Variants in DHX8 observed in about 807,000 individuals in gnomAD.
DHX8 encodes ATP-dependent RNA helicase DHX8.
DHX8 carries 67 observed loss-of-function variants against 140.7 expected under a neutral mutation model. That is an observed-to-expected ratio of 0.48 (90% confidence interval 0.39 to 0.58). DHX8 has a LOEUF of 0.58. DHX8 is among the 20% of genes least tolerant of loss of function. DHX8 has a pLI of 0.00. For missense variants in DHX8, 887 were observed against 1,550.7 expected (o/e 0.57, Z 7.19); for synonymous variants, 533 against 553.2 (o/e 0.96, Z 0.51).
chr17:43,511,459 T>TTTTTTTTTTTTTTTA (rs1969828835), intron 16 of DHX8, among the ~76,000 whole-genome samples: 3 of 111,118 alleles, frequency 2.7e-5, no homozygotes, highest in African/African-American at 1.0e-4. Context: ...TCCCAGCATT[T>TTTTTTTTTTTTTTTA]TTTTTTTTTT....
intron 9 of DHX8, among the ~76,000 whole-genome samples, chr17:43,497,629 C>A (rs751245326): frequency 1.3e-5 from 2 of 151,928 alleles, no homozygotes; most frequent in South Asian, 4.2e-4. Context: ...GTGATGTGTG[C>A]CTGTACTCCC....
chr17:43,485,854 A>G (rs993829996), intron 1 of DHX8, among the ~76,000 whole-genome samples: 1 of 152,230 alleles, frequency 6.6e-6, no homozygotes, highest in Non-Finnish European at 1.5e-5. Context: ...AAAACCCACA[A>G]ATATGCTTTT....
rs1205094692 is a variant in DHX8, at chr17:43,484,110, C to T, written c.73C>T (p.Leu25Phe). The T allele has an allele frequency of 6.2e-7, 1 of 1,614,172 alleles. No individual in the cohort carries two copies. The highest frequency in any genetic ancestry group is 8.5e-7 in the Non-Finnish European group (1 of 1,180,016). ...AGGCCCCGCGGAAGAACTTGCCAAA[C>T]TCGAGTACCTGTCTTTGGTGTCAAA... The part of the protein sequence containing the change: ...EPGPAEELAK[L>F]EYLSLVSKVC... Residue 25 changes from leucine (L) to phenylalanine (F), a missense_variant, in exon 1 of 23, where the codon CTC (leucine) becomes TTC (phenylalanine). Leu to Phe is a conservative substitution (Grantham distance 22). Coordinates refer to ENST00000262415, the MANE Select transcript of DHX8 (RefSeq NM_004941.3).
chr17:43,526,637 G>C (rs150173376), downstream of DHX8: 5 of 1,532,396 alleles, frequency 3.3e-6, no homozygotes, highest in Non-Finnish European at 4.4e-6. Context: ...ATCTCAGCTT[G>C]TGGAGACCTT....
intron 17 of DHX8, among the ~76,000 whole-genome samples, chr17:43,514,824 G>T (rs558547669): frequency 6.6e-6 from 1 of 152,316 alleles, no homozygotes; most frequent in Admixed American, 6.5e-5. Context: ...TAGAATGTTG[G>T]TGGCATTAAC....
chr17:43,543,337 G>C (rs1290937277), intron 3 of DHX8, among the ~76,000 whole-genome samples: 1 of 147,930 alleles, frequency 6.8e-6, no homozygotes, highest in Non-Finnish European at 1.5e-5. Context: ...GACACAGACA[G>C]ACATTTGTAC....
At position 43,493,560 on chromosome 17, in the gene DHX8, A is replaced by G; in HGVS notation, c.979A>G (p.Thr327Ala). Residue 327 changes from threonine to alanine, a missense_variant, in exon 7 of 23, where the codon ACT (threonine) becomes GCT (alanine). Coordinates refer to ENST00000262415, the MANE Select transcript of DHX8 (RefSeq NM_004941.3). ...GGTCAAAGTCAAAGTGCTGTCCTTCACTGGGACCAAGACCAGCCTGAGCAT... is the reference window on the plus strand; with the variant it reads ...GGTCAAAGTCAAAGTGCTGTCCTTCGCTGGGACCAAGACCAGCCTGAGCAT... ...QRVKVKVLSF[T>A]GTKTSLSMKD... The G allele has an allele frequency of 6.2e-7, 1 of 1,614,168 alleles. No individual in the cohort carries two copies. The highest frequency in any genetic ancestry group is 8.5e-7 in the Non-Finnish European group (1 of 1,180,022).
intron 9 of DHX8, among the ~76,000 whole-genome samples, chr17:43,496,664 C>T (rs1456691890): frequency 1.3e-5 from 2 of 152,020 alleles, no homozygotes; most frequent in African/African-American, 4.8e-5. Context: ...CCTATCGTCC[C>T]AGCTACTCGG....
intron 10 of DHX8, 132 bp downstream of exon 10, chr17:43,499,091 T>G: frequency 1.7e-5 from 11 of 630,548 alleles, no homozygotes; most frequent in East Asian, 3.5e-5. Flanking sequence ...AGCCAGGGTC[T>G]ATAATAGTTT....
chr17:43,494,440 C>T (rs777176811), intron 8 of DHX8, among the ~76,000 whole-genome samples: 2 of 151,968 alleles, frequency 1.3e-5, no homozygotes, highest in African/African-American at 4.8e-5. Flanking sequence ...AGGTGAAAGT[C>T]GTTGGGCGTG....
chr17:43,499,721 C>T (rs927963205), intron 10 of DHX8, among the ~76,000 whole-genome samples: 2 of 152,202 alleles, frequency 1.3e-5, no homozygotes, highest in Admixed American at 6.5e-5. Flanking sequence ...TCATTCCTAT[C>T]TCTTTTGGGG....
chr17:43,529,417 G>T, downstream of DHX8: 1 of 1,488,512 alleles, frequency 6.7e-7, no homozygotes, highest in Non-Finnish European at 9.1e-7. Context: ...GAATCATGAT[G>T]GAGGCACGTG....
At chr17:43,484,783 A>G (rs1031212373) in intron 1 of DHX8, among the ~76,000 whole-genome samples, 4 of 152,074 alleles carry the variant, frequency 2.6e-5, no homozygotes, top group African/African-American at 7.2e-5. Context: ...CTGGGACTAC[A>G]GGCGGGCGCC....
chr17:43,513,788 A>G (rs1038653261), intron 17 of DHX8, among the ~76,000 whole-genome samples: 1 of 138,200 alleles, frequency 7.2e-6, no homozygotes, highest in African/African-American at 2.8e-5. Context: ...ATCTCGGCTC[A>G]CTGCAACCTC....
intron 18 of DHX8, chr17:43,518,042 A>G (rs1970198445): frequency 6.6e-6 from 1 of 152,342 alleles, no homozygotes; most frequent in African/African-American, 2.4e-5. Context: ...CTTGGACTTC[A>G]GCTCCAAACT....
downstream of DHX8, chr17:43,526,300 A>G (rs1262479680): frequency 1.9e-5 from 26 of 1,395,782 alleles, no homozygotes; most frequent in East Asian, 4.5e-4. Context: ...ATTAAAGTAT[A>G]TTGTTCACCC....
downstream of DHX8, chr17:43,526,052 A>G (rs1490189267): frequency 3.7e-5 from 36 of 985,262 alleles, no homozygotes; most frequent in African/African-American, 5.2e-5. Context: ...CTTCTCTGCT[A>G]TGACAACATA....
rs1970301186 is a variant in DHX8, at chr17:43,520,070, A to G, written c.2800-60A>G. On this transcript the variant is annotated intron_variant, in intron 18 of 22. Transcript: ENST00000262415. ...AAATAAAGTAACAAGTAGCTTCCCC[A>G]CATGCTGACACTGGCTAGACTGACC... is the stretch of plus-strand genomic sequence containing the variant. 3.8e-6 allele frequency: 6 copies of G among 1,591,048 alleles called. No homozygotes were observed. The African/African-American group carries it at 4.0e-5, about 11-fold the overall frequency.
intron 1 of DHX8, among the ~76,000 whole-genome samples, chr17:43,485,058 C>G (rs1339368658): frequency 1.3e-5 from 2 of 152,128 alleles, no homozygotes; most frequent in African/African-American, 4.8e-5. Flanking sequence ...CAGATGGAGC[C>G]TTTATGAAGG....
Sources: gnomAD v4.1 joint callset for allele counts (sites outside exome capture counted in the v4.1 genomes callset) on GRCh38, gnomAD v4.1.1 for gene constraint, MANE v1.5 for transcripts, NCBI Gene and HGNC (gene_info 2026-07-23, HGNC 2026-07-21) for gene names.